HEMK2: variants seen among roughly 807,000 people sequenced by gnomAD.
HEMK2 encodes the protein HemK methyltransferase 2, ETF1 glutamine and histone H4 lysine, also known as methyltransferase HEMK2.
At chr21:28,765,139 G>C in the HEMK2 span, among the ~76,000 whole-genome samples, 30 of 152,058 alleles carry the variant, frequency 2.0e-4, no homozygotes, top group Admixed American at 7.9e-4. Context: ...ATGTTGAGAA[G>C]AAAGAGTGAC....
chr21:28,846,414 A>C, the HEMK2 span, among the ~76,000 whole-genome samples: 4 of 152,202 alleles, frequency 2.6e-5, no homozygotes, highest in African/African-American at 7.2e-5. Flanking sequence ...CATTCCCACC[A>C]GCAATATATA....
chr21:28,632,215 T>C, the HEMK2 span, among the ~76,000 whole-genome samples: 1 of 152,242 alleles, frequency 6.6e-6, no homozygotes, highest in South Asian at 2.1e-4. Flanking sequence ...TTGTGAAATA[T>C]TACCCTATAT....
At chr21:28,825,431 G>A in the HEMK2 span, among the ~76,000 whole-genome samples, 1 of 152,176 alleles carries the variant, frequency 6.6e-6, no homozygotes, top group Non-Finnish European at 1.5e-5. Context: ...GTGATGTCTT[G>A]GCACTAGGGA....
chr21:28,839,000 T>TATATATATATATATATATATATAC, the HEMK2 span, among the ~76,000 whole-genome samples: 11 of 57,984 alleles, frequency 1.9e-4, no homozygotes, highest in South Asian at 5.1e-4. Context: ...TATATATATA[T>TATATATATATATATATATATATAC]ACATATATAT....
the HEMK2 span, among the ~76,000 whole-genome samples, chr21:28,857,348 G>C: frequency 6.6e-6 from 1 of 151,948 alleles, no homozygotes; most frequent in Non-Finnish European, 1.5e-5. Context: ...AACGTATTTT[G>C]TAAATGTTCA....
the HEMK2 span, among the ~76,000 whole-genome samples, chr21:28,684,349 ATTC>A: frequency 6.6e-6 from 1 of 152,232 alleles, no homozygotes; most frequent in Non-Finnish European, 1.5e-5. Flanking sequence ...CACTGGACCA[ATTC>A]ATCCATCTGA....
At chr21:28,603,680 T>C in the HEMK2 span, among the ~76,000 whole-genome samples, 2 of 151,994 alleles carry the variant, frequency 1.3e-5, no homozygotes, top group Admixed American at 1.3e-4. Flanking sequence ...CTTATATGAC[T>C]ACAACCCCAA....
the HEMK2 span, among the ~76,000 whole-genome samples, chr21:28,685,753 T>A: frequency 6.6e-6 from 1 of 152,092 alleles, no homozygotes; most frequent in East Asian, 1.9e-4. Flanking sequence ...GTGACTGTTG[T>A]TTTAAAGGGA....
chr21:28,672,773 C>T, the HEMK2 span, among the ~76,000 whole-genome samples: 37 of 152,128 alleles, frequency 2.4e-4, no homozygotes, highest in Non-Finnish European at 4.6e-4. Flanking sequence ...CTCTCTCTTT[C>T]CATTTTTCTT....
the HEMK2 span, among the ~76,000 whole-genome samples, chr21:28,774,700 A>C: frequency 6.6e-6 from 1 of 152,226 alleles, no homozygotes; most frequent in Non-Finnish European, 1.5e-5. Context: ...TAGTGATATG[A>C]TGATCTCATA....
At chr21:28,877,259 G>GGGAAGGAAGAAAGGAAGGAAGGAA in the HEMK2 span, among the ~76,000 whole-genome samples, 1 of 76,188 alleles carries the variant, frequency 1.3e-5, no homozygotes, top group Non-Finnish European at 2.7e-5. Flanking sequence ...GGGAAGAGAA[G>GGGAAGGAAGAAAGGAAGGAAGGAA]GGAAGGAAGG....
At chr21:28,697,704 G>A in the HEMK2 span, among the ~76,000 whole-genome samples, 1 of 133,600 alleles carries the variant, frequency 7.5e-6, no homozygotes, top group South Asian at 2.4e-4. Context: ...ACCATGAGTG[G>A]AAGCTCCCTG....
At chr21:28,748,563 T>G in the HEMK2 span, among the ~76,000 whole-genome samples, 1 of 152,188 alleles carries the variant, frequency 6.6e-6, no homozygotes, top group Non-Finnish European at 1.5e-5. Flanking sequence ...TCTGTGAGGT[T>G]TGGGGATTAT....
At chr21:28,693,585 A>G in the HEMK2 span, among the ~76,000 whole-genome samples, 1 of 152,234 alleles carries the variant, frequency 6.6e-6, no homozygotes, top group African/African-American at 2.4e-5. Flanking sequence ...TGTTAAAATG[A>G]CACCCGTTAA....
chr21:28,614,084 T>C, the HEMK2 span, among the ~76,000 whole-genome samples: 1 of 152,238 alleles, frequency 6.6e-6, no homozygotes, highest in Non-Finnish European at 1.5e-5. Flanking sequence ...ATAAAGTTTA[T>C]AATTCCTTTC....
the HEMK2 span, among the ~76,000 whole-genome samples, chr21:28,773,619 G>A: frequency 6.6e-6 from 1 of 151,530 alleles, no homozygotes; most frequent in Non-Finnish European, 1.5e-5. Flanking sequence ...AAATATACAC[G>A]ATGTGCCACT....
the HEMK2 span, among the ~76,000 whole-genome samples, chr21:28,853,429 A>G: frequency 6.6e-6 from 1 of 152,144 alleles, no homozygotes; most frequent in African/African-American, 2.4e-5. Flanking sequence ...ATTATCCCAC[A>G]CCCTTAATGT....
chr21:28,859,837 A>C, the HEMK2 span, among the ~76,000 whole-genome samples: 3 of 152,142 alleles, frequency 2.0e-5, no homozygotes, highest in African/African-American at 7.2e-5. Context: ...AATTTAGGTC[A>C]CTATGTCCCC....
the HEMK2 span, among the ~76,000 whole-genome samples, chr21:28,842,718 CT>C: frequency 1.3e-5 from 2 of 151,988 alleles, no homozygotes; most frequent in Non-Finnish European, 2.9e-5. Flanking sequence ...GTCGCATTTC[CT>C]TTTGCCAATG....
Sources: allele counts gnomAD v4.1 joint callset (sites outside exome capture counted in the v4.1 genomes callset), GRCh38; gene constraint gnomAD v4.1.1; transcripts MANE v1.5; gene names NCBI Gene and HGNC (gene_info 2026-07-23, HGNC 2026-07-21).